NLGN1: variants seen among roughly 807,000 people sequenced by gnomAD.
NLGN1 encodes the protein neuroligin 1.
Under a neutral mutation model 65.5 loss-of-function variants are expected in NLGN1, and 12 were observed. The ratio of observed to expected loss-of-function variants is 0.18; its 90% CI spans 0.12 to 0.30. NLGN1 has a LOEUF of 0.30. Ranked by LOEUF, NLGN1 falls within the 10% of genes least tolerant of loss-of-function variation. The pLI is 1.00. For synonymous variants in NLGN1, 350 were observed against 359.5 expected (o/e 0.97, Z 0.30); for missense variants, 750 against 1,007.1 (o/e 0.74, Z 3.46).
intron 4 of NLGN1, among the ~76,000 whole-genome samples, chr3:173,876,428 T>C (rs1732118423): frequency 6.6e-6 from 1 of 152,156 alleles, no homozygotes; most frequent in South Asian, 2.1e-4. Context: ...ATTCATCAAA[T>C]TGAAACACTT....
At chr3:173,943,955 A>G (rs1449556068) in intron 4 of NLGN1, among the ~76,000 whole-genome samples, 1 of 152,234 alleles carries the variant, frequency 6.6e-6, no homozygotes, top group Non-Finnish European at 1.5e-5. Flanking sequence ...ATGTTTGCTT[A>G]TATTTTCTAA....
chr3:174,017,218 G>C (rs1726759174), intron 4 of NLGN1, among the ~76,000 whole-genome samples: 1 of 152,088 alleles, frequency 6.6e-6, no homozygotes, highest in Non-Finnish European at 1.5e-5. Context: ...ATAATATTTA[G>C]CTTGTTTATT....
chr3:173,845,426 A>G (rs2150702491), intron 4 of NLGN1, among the ~76,000 whole-genome samples: 2 of 152,322 alleles, frequency 1.3e-5, no homozygotes, highest in Middle Eastern at 6.8e-3. Context: ...AAACAAAGAC[A>G]CAACATAAAC....
intron 4 of NLGN1, among the ~76,000 whole-genome samples, chr3:173,916,412 A>G (rs759330423): frequency 6.6e-6 from 1 of 152,170 alleles, no homozygotes; most frequent in Non-Finnish European, 1.5e-5. Context: ...AAACAAGAAT[A>G]TAAGCTCTAG....
At chr3:173,624,631 G>A (rs920970120) in intron 3 of NLGN1, among the ~76,000 whole-genome samples, 87 of 152,058 alleles carry the variant, frequency 5.7e-4, no homozygotes, top group African/African-American at 2.1e-3. Context: ...TATCTGTCAG[G>A]GAATAATTTG....
At chr3:174,275,244 T>C in intron 4 of NLGN1, 71 bp from the exon 5 acceptor site, 2 of 1,125,566 alleles carry the variant, frequency 1.8e-6, no homozygotes, top group Non-Finnish European at 2.7e-6. Context: ...CAGGCTTCAT[T>C]TGTGTTTAAA....
chr3:173,863,273 A>G (rs1263527643), intron 4 of NLGN1, among the ~76,000 whole-genome samples: 1 of 152,022 alleles, frequency 6.6e-6, no homozygotes, highest in African/African-American at 2.4e-5. Flanking sequence ...TGACTTTTAT[A>G]TTTTTCTCCA....
chr3:173,648,552 G>A (rs1758639509), intron 3 of NLGN1, among the ~76,000 whole-genome samples: 1 of 151,972 alleles, frequency 6.6e-6, no homozygotes, highest in South Asian at 2.1e-4. Flanking sequence ...AAACAACTGG[G>A]TAGATTCTTC....
At chr3:174,065,115 GACT>G (rs1424927090) in intron 4 of NLGN1, among the ~76,000 whole-genome samples, 2 of 151,630 alleles carry the variant, frequency 1.3e-5, no homozygotes, top group African/African-American at 2.4e-5. Flanking sequence ...TTTTTTGAAA[GACT>G]ACTATCTGTT....
chr3:173,634,587 A>G (rs1471310431), intron 3 of NLGN1, among the ~76,000 whole-genome samples: 1 of 152,118 alleles, frequency 6.6e-6, no homozygotes, highest in East Asian at 1.9e-4. Context: ...TTTGTAATAT[A>G]TATGTGGTAG....
At chr3:173,494,122 AGTGTGTGTGTGTGT>A (rs63066860) in intron 2 of NLGN1, among the ~76,000 whole-genome samples, 3 of 147,862 alleles carry the variant, frequency 2.0e-5, no homozygotes, top group Non-Finnish European at 4.5e-5. Flanking sequence ...GTTATAGGTG[AGTGTGTGTGTGTGT>A]GTGTGTGTGT....
At chr3:173,762,766 G>A (rs1165353083) in intron 3 of NLGN1, among the ~76,000 whole-genome samples, 2 of 151,976 alleles carry the variant, frequency 1.3e-5, no homozygotes, top group Admixed American at 6.6e-5. Flanking sequence ...AGTCATCGAC[G>A]CTGATTCTGC....
rs1457554320 is a variant in NLGN1 at position 174,009,158 on chromosome 3, GAGA to G, written c.646+201329_646+201331del. Among the ~76,000 whole-genome samples the G allele has an allele frequency of 8.8e-4, 134 of 152,288 alleles. 1 individual carries two copies. The highest frequency in any genetic ancestry group is 8.8e-3 in the Admixed American group (134 of 15,286). On this transcript the variant is annotated intron_variant, in intron 4 of 6. Coordinates refer to ENST00000457714, the Ensembl canonical transcript of NLGN1. The stretch of plus-strand genomic sequence containing the variant: ...CCACTGTGTCCTCACATGGTTAAGA[GAGA>G]AGGAGCAAGCTCTCTTAAGATTCTT...
intron 4 of NLGN1, among the ~76,000 whole-genome samples, chr3:174,081,630 G>A (rs533516344): frequency 3.9e-4 from 53 of 134,522 alleles, no homozygotes; most frequent in South Asian, 3.7e-3. Context: ...ACAGAGTTTC[G>A]CTCTTGTTGC....
At chr3:173,714,454 GA>G (rs777687062) in intron 3 of NLGN1, among the ~76,000 whole-genome samples, 16 of 152,262 alleles carry the variant, frequency 1.1e-4, no homozygotes, top group Non-Finnish European at 1.9e-4. Context: ...AAATGGTGAT[GA>G]AAAAGGCACT....
chr3:173,614,536 G>A (rs55697195), intron 3 of NLGN1, among the ~76,000 whole-genome samples: 19,783 of 151,938 alleles, frequency 0.13, 1,927 homozygotes, highest in East Asian at 0.42. Flanking sequence ...CAATGAGCAG[G>A]CCAGGCCTCA....
At chr3:173,562,749 T>G (rs2149303124) in intron 2 of NLGN1, among the ~76,000 whole-genome samples, 1 of 152,330 alleles carries the variant, frequency 6.6e-6, no homozygotes, top group South Asian at 2.1e-4. Flanking sequence ...GAAGTTCAAT[T>G]ACTGGGTCTC....
chr3:173,943,229 C>CAAA (rs67146625), intron 4 of NLGN1, among the ~76,000 whole-genome samples: 10 of 149,044 alleles, frequency 6.7e-5, no homozygotes, highest in African/African-American at 2.5e-4. Context: ...GTCTCAAAAA[C>CAAA]AAAAAAAAAT....
At chr3:174,022,461 C>T (rs957951329) in intron 4 of NLGN1, among the ~76,000 whole-genome samples, 2 of 152,160 alleles carry the variant, frequency 1.3e-5, no homozygotes, top group Non-Finnish European at 2.9e-5. Context: ...ATCTTTTAAA[C>T]ACAGCCAATA....
Sources: allele counts gnomAD v4.1 joint callset (sites outside exome capture counted in the v4.1 genomes callset), GRCh38; gene constraint gnomAD v4.1.1; transcripts MANE v1.5; gene names NCBI Gene and HGNC (gene_info 2026-07-23, HGNC 2026-07-21).